AHDC1: variants seen among roughly 807,000 people sequenced by gnomAD.
The protein encoded by AHDC1 is transcription factor Gibbin.
In AHDC1, 7 loss-of-function variants were observed where a neutral mutation model predicts 87.9. The observed-to-expected ratio is 0.08, with a 90% CI of 0.05 to 0.15. The LOEUF (loss-of-function observed/expected upper bound fraction) is 0.15. Among genes scored for constraint, AHDC1 ranks in the 10% least tolerant of loss-of-function variants. AHDC1 has a pLI of 1.00. For missense variants in AHDC1, 1,841 were observed against 2,253.2 expected, an observed-to-expected ratio of 0.82 and a Z score of 3.70; for synonymous variants, 1,051 against 1,006.8, an observed-to-expected ratio of 1.04 and a Z score of -0.83.
intron 3 of AHDC1, among the ~76,000 whole-genome samples, chr1:27,566,283 A>G (rs1255983983): frequency 6.6e-6 from 1 of 152,174 alleles, no homozygotes. Context: ...AGAAGGAGAA[A>G]AAGATCTGGA....
rs1274202594 is a variant in AHDC1, at chr1:27,560,921, T to G, written c.-628-2038A>C. ...TGTGTGTGTGTCTGTGTCACTGTGTTTGTGTGTGCCTGCTTCCCTCTTCCC... is the reference window on the plus strand; with the variant it reads ...TGTGTGTGTGTCTGTGTCACTGTGTGTGTGTGTGCCTGCTTCCCTCTTCCC... On this transcript the variant is annotated intron_variant, in intron 3 of 8. Transcript: ENST00000673934. The surrounding 1 kb of genome is among the most constrained non-coding windows in gnomAD (Gnocchi z 4.1). Among the ~76,000 whole-genome samples the G allele has an allele frequency of 6.6e-6, 1 of 151,746 alleles. No individual in the cohort carries two copies. Among genetic ancestry groups the G allele is most frequent in the Non-Finnish European group, 1.5e-5 (1 of 67,910 alleles).
At chr1:27,567,065 A>T (rs990999970) in intron 3 of AHDC1, among the ~76,000 whole-genome samples, 2 of 151,896 alleles carry the variant, frequency 1.3e-5, no homozygotes, top group Non-Finnish European at 2.9e-5. Context: ...GAGGCTGTGG[A>T]GGGTGCACTG....
At chr1:27,592,927 C>T (rs1332511396) in intron 3 of AHDC1, among the ~76,000 whole-genome samples, 3 of 152,132 alleles carry the variant, frequency 2.0e-5, no homozygotes, top group African/African-American at 4.8e-5. Context: ...GACGAGGAGG[C>T]GCAGGCTGGA....
intron 3 of AHDC1, among the ~76,000 whole-genome samples, chr1:27,579,779 G>C (rs1482105817): frequency 2.6e-5 from 4 of 152,244 alleles, no homozygotes; most frequent in African/African-American, 9.7e-5. Flanking sequence ...GCAGAGTTAA[G>C]TACTACTCAT....
At chr1:27,569,640 C>G (rs1424898407) in intron 3 of AHDC1, among the ~76,000 whole-genome samples, 1 of 152,174 alleles carries the variant, frequency 6.6e-6, no homozygotes, top group Non-Finnish European at 1.5e-5. Context: ...CTAAGCTTCC[C>G]CAGCCCTGAT....
intron 3 of AHDC1, among the ~76,000 whole-genome samples, chr1:27,564,311 G>T (rs1388116171): frequency 6.6e-6 from 1 of 152,252 alleles, no homozygotes; most frequent in South Asian, 2.1e-4. Flanking sequence ...CGCAGTGAGA[G>T]AAGTGCCAGG....
At chr1:27,576,998 A>C (rs2088773504) in intron 3 of AHDC1, among the ~76,000 whole-genome samples, 2 of 152,302 alleles carry the variant, frequency 1.3e-5, no homozygotes, top group South Asian at 4.1e-4. Context: ...ATGAACACAG[A>C]GACCAGTACC....
chr1:27,542,522 C>T (rs1307980552), intron 8 of AHDC1, among the ~76,000 whole-genome samples: 1 of 152,252 alleles, frequency 6.6e-6, no homozygotes, highest in Non-Finnish European at 1.5e-5. Flanking sequence ...TTTACCTACC[C>T]ATCACCAGCC....
At position 27,550,883 on chromosome 1, in the gene AHDC1, G is replaced by T; in HGVS notation, c.1233C>A (p.Gly411=). ...TGGGCATAGGCAGGGGCAGTAGGCG[G>T]CCCTCGGGTCCGGCGTCTGCCTTGC... ...RGRKADAGPE[G]RLLPLPMPTG... The change falls in exon 8 of 9, where the codon GGC becomes GGA. Residue 411 remains glycine, a synonymous_variant. Coordinates refer to ENST00000673934, the MANE Select transcript of AHDC1 (RefSeq NM_001371928.1). 1 of 1,584,456 alleles carries T rather than the reference G, an allele frequency of 6.3e-7. No homozygotes were observed.
intron 3 of AHDC1, among the ~76,000 whole-genome samples, chr1:27,569,179 G>A (rs1256591600): frequency 6.6e-6 from 1 of 152,006 alleles, no homozygotes; most frequent in Non-Finnish European, 1.5e-5. Flanking sequence ...CCCTCATATG[G>A]TCTATAGCTC....
intron 8 of AHDC1, among the ~76,000 whole-genome samples, chr1:27,542,422 G>C (rs1273782578): frequency 6.6e-6 from 1 of 152,220 alleles, no homozygotes; most frequent in Non-Finnish European, 1.5e-5. Context: ...CGGCTCTATG[G>C]TCCTGCATGA....
intron 3 of AHDC1, among the ~76,000 whole-genome samples, chr1:27,586,637 G>A (rs984235560): frequency 3.3e-5 from 5 of 152,298 alleles, no homozygotes; most frequent in East Asian, 1.9e-4. Flanking sequence ...GGCTGGAGGC[G>A]TGTGTCACCA....
intron 5 of AHDC1, among the ~76,000 whole-genome samples, chr1:27,556,001 C>A (rs1226595131): frequency 6.6e-6 from 1 of 152,212 alleles, no homozygotes; most frequent in Admixed American, 6.5e-5. Context: ...AGGGTACCAC[C>A]TAGCCCTGGT....
At chr1:27,586,482 G>A (rs2089061684) in intron 3 of AHDC1, among the ~76,000 whole-genome samples, 5 of 152,146 alleles carry the variant, frequency 3.3e-5, no homozygotes, top group Admixed American at 6.6e-5. Flanking sequence ...TATGATAGGC[G>A]ATTACCCGTC....
chr1:27,592,617 G>A (rs1414654114), intron 3 of AHDC1, among the ~76,000 whole-genome samples: 1 of 145,898 alleles, frequency 6.9e-6, no homozygotes, highest in Non-Finnish European at 1.5e-5. Flanking sequence ...AGGCTGAGAA[G>A]AGCCTGAGTG....
intron 3 of AHDC1, among the ~76,000 whole-genome samples, chr1:27,585,303 C>G (rs934911918): frequency 1.3e-5 from 2 of 150,422 alleles, no homozygotes; most frequent in South Asian, 2.1e-4. Flanking sequence ...AACAAGGACT[C>G]TGGATCCTAG....
At chr1:27,586,631 G>A (rs115757835) in intron 3 of AHDC1, among the ~76,000 whole-genome samples, 100 of 152,326 alleles carry the variant, frequency 6.6e-4, no homozygotes, top group African/African-American at 2.4e-3. Context: ...AGCTTGGGCT[G>A]GAGGCGTGTG....
chr1:27,546,601 C>T (rs1262108670), intron 8 of AHDC1, among the ~76,000 whole-genome samples: 2 of 152,186 alleles, frequency 1.3e-5, no homozygotes, highest in Non-Finnish European at 2.9e-5. Flanking sequence ...ATGCTCCTGG[C>T]CACACCTAGC....
chr1:27,587,615 T>C (rs1268365522), intron 3 of AHDC1, among the ~76,000 whole-genome samples: 2 of 152,192 alleles, frequency 1.3e-5, no homozygotes, highest in Non-Finnish European at 2.9e-5. Flanking sequence ...CTGTGTGATA[T>C]GGTTATCAGG....
Sources: allele counts gnomAD v4.1 joint callset (sites outside exome capture counted in the v4.1 genomes callset), GRCh38; gene constraint gnomAD v4.1.1; non-coding constraint Gnocchi (gnomAD v3.1); transcripts MANE v1.5; gene names NCBI Gene and HGNC (gene_info 2026-07-23, HGNC 2026-07-21).